SYT10: variants seen among roughly 807,000 people sequenced by gnomAD.
The protein encoded by SYT10 is synaptotagmin 10, also known as synaptotagmin-10.
SYT10 carries 31 observed loss-of-function variants against 51.1 expected under a neutral mutation model. The observed-to-expected ratio is 0.61, with a 90% CI of 0.46 to 0.82. SYT10 has a LOEUF of 0.82. Ranked by LOEUF, SYT10 falls within the 40% of genes least tolerant of loss-of-function variation. The pLI, the probability that SYT10 is intolerant of heterozygous loss-of-function variation, is 0.00. For missense variants in SYT10, 603 were observed against 634.0 expected (o/e 0.95, Z 0.53); for synonymous variants, 233 against 225.9 (o/e 1.03, Z -0.28).
chr12:33,439,129 CG>C (rs1442005601), intron 1 of SYT10, among the ~76,000 whole-genome samples: 2 of 152,160 alleles, frequency 1.3e-5, no homozygotes, highest in Non-Finnish European at 2.9e-5. Context: ...GAGACGGCGC[CG>C]GGAGGCGGGA....
chr12:33,424,385 A>G (rs1866531605), intron 2 of SYT10, among the ~76,000 whole-genome samples: 1 of 152,156 alleles, frequency 6.6e-6, no homozygotes, highest in Non-Finnish European at 1.5e-5. Context: ...TAATCTGTAC[A>G]TATCAACTAA....
intron 3 of SYT10, among the ~76,000 whole-genome samples, chr12:33,387,556 T>C (rs1251485857): frequency 2.6e-5 from 4 of 152,178 alleles, no homozygotes; most frequent in Non-Finnish European, 4.4e-5. Flanking sequence ...TGGAAGTGAT[T>C]AGTATTGCAA....
At chr12:33,392,336 T>C (rs564300008) in intron 3 of SYT10, among the ~76,000 whole-genome samples, 1 of 152,296 alleles carries the variant, frequency 6.6e-6, no homozygotes, top group African/African-American at 2.4e-5. Context: ...AAGAAGCAAT[T>C]TGATGGAGTA....
At chr12:33,401,369 G>A (rs1040595758) in intron 3 of SYT10, among the ~76,000 whole-genome samples, 1 of 152,162 alleles carries the variant, frequency 6.6e-6, no homozygotes, top group Non-Finnish European at 1.5e-5. Context: ...TCGTATTAGA[G>A]GTGGTTGGCT....
At chr12:33,428,688 C>T (rs1866571878) in intron 1 of SYT10, among the ~76,000 whole-genome samples, 2 of 152,114 alleles carry the variant, frequency 1.3e-5, no homozygotes, top group African/African-American at 4.8e-5. Context: ...GGGCGGATCA[C>T]GAGGTCAGAA....
chr12:33,376,840 G>C lies in SYT10; in HGVS notation c.1562C>G (p.Ser521Cys), dbSNP rs886110675. ...CTCATTTTGGAGGCATTATGGTGTG[G>C]AAGGTGGTTTAGGAGAAGGGCAGGA... ...QGSCPSPKPPSTP is the reference protein window; with the variant it reads ...QGSCPSPKPPCTP The change falls in exon 7 of 7, where the codon TCC (serine) becomes TGC (cysteine). Residue 521 changes from serine (S) to cysteine (C), a missense_variant. Transcript: ENST00000228567. The C allele has an allele frequency of 1.1e-5, 18 of 1,613,948 alleles. No individual in the cohort carries two copies. In the Admixed American group the frequency reaches 2.8e-4, roughly 25 times the overall value.
Position 33,406,852 on chromosome 12 carries a change from C to G in SYT10, c.1014G>C (p.Leu338Phe), listed in dbSNP as rs369857680. The change falls in exon 3 of 7, where the codon TTG becomes TTC. Residue 338 changes from leucine (L) to phenylalanine (F), a missense_variant. Physicochemically the swap from Leu to Phe is conservative, Grantham distance 22 (BLOSUM62 0). Coordinates refer to ENST00000228567, the MANE Select transcript of SYT10 (RefSeq NM_198992.4). Reference sequence around the variant, plus strand: ...CCCTGGAGAGATCAGAGACTTCAAACAAATTATCAAGAATCACTTCCCCAA... The same window carrying G: ...CCCTGGAGAGATCAGAGACTTCAAAGAAATTATCAAGAATCACTTCCCCAA... ...DMIGEVILDN[L>F]FEVSDLSREA... is the part of the protein sequence containing the mutation. 6.2e-6 allele frequency: 10 copies of G among 1,613,848 alleles called. No individual in the cohort carries two copies. The highest frequency in any genetic ancestry group is 1.3e-5 in the African/African-American group (1 of 74,916).
Position 33,426,814 on chromosome 12 carries a change from G to A in SYT10, c.152-319C>T, listed in dbSNP as rs60359993. 9.4e-3 allele frequency among the ~76,000 whole-genome samples: 1,425 copies of A among 152,262 alleles called. 31 individuals carry two copies. Among genetic ancestry groups the A allele is most frequent in the African/African-American group, 0.031 (1,305 of 41,570 alleles). ...TTGAAAAACTGCAACCTGCCATGAA[G>A]CCATGAGGCAAGAAATTCTAAAACT... is the stretch of plus-strand genomic sequence containing the variant. On this transcript the variant is annotated intron_variant, in intron 1 of 6. Coordinates refer to ENST00000228567, the MANE Select transcript of SYT10 (RefSeq NM_198992.4).
At chr12:33,438,506 G>A (rs1342648143) in intron 1 of SYT10, among the ~76,000 whole-genome samples, 6 of 152,024 alleles carry the variant, frequency 3.9e-5, no homozygotes, top group Non-Finnish European at 8.8e-5. Context: ...GCTTGGATTC[G>A]ATCCTTTCCA....
intron 3 of SYT10, among the ~76,000 whole-genome samples, chr12:33,393,288 T>A (rs1866226280): frequency 6.6e-6 from 1 of 152,142 alleles, no homozygotes; most frequent in South Asian, 2.1e-4. Flanking sequence ...TAACAACTCT[T>A]CTCTTCCTCA....
intron 5 of SYT10, among the ~76,000 whole-genome samples, chr12:33,381,285 AGT>A (rs1309944462): frequency 6.6e-6 from 1 of 152,040 alleles, no homozygotes; most frequent in Non-Finnish European, 1.5e-5. Context: ...GTTATTTTTC[AGT>A]GTTTCCCCCC....
intron 4 of SYT10, among the ~76,000 whole-genome samples, chr12:33,384,695 A>AC (rs1333526398): frequency 2.6e-5 from 4 of 152,180 alleles, no homozygotes; most frequent in African/African-American, 9.6e-5. Context: ...TTTATTTCAG[A>AC]CCCTACAGAT....
At chr12:33,426,580 T>C (rs1395630590) in intron 1 of SYT10, 85 bp from the exon 2 acceptor site, 2 of 1,154,518 alleles carry the variant, frequency 1.7e-6, no homozygotes, top group Non-Finnish European at 2.3e-6. Flanking sequence ...ATCATAATTG[T>C]TATTATTTCC....
intron 5 of SYT10, among the ~76,000 whole-genome samples, chr12:33,380,656 C>T (rs1472901462): frequency 5.9e-5 from 9 of 152,160 alleles, no homozygotes; most frequent in African/African-American, 2.2e-4. Context: ...TTAATTCCCC[C>T]ACCATGACCA....
At chr12:33,422,669 A>G (rs978706464) in intron 2 of SYT10, among the ~76,000 whole-genome samples, 1 of 151,932 alleles carries the variant, frequency 6.6e-6, no homozygotes, top group African/African-American at 2.4e-5. Context: ...GATTTTTCAA[A>G]TAAAATATTT....
At chr12:33,414,459 C>A (rs1315137987) in intron 2 of SYT10, among the ~76,000 whole-genome samples, 1 of 152,192 alleles carries the variant, frequency 6.6e-6, no homozygotes, top group Non-Finnish European at 1.5e-5. Flanking sequence ...TGTAAAAGAA[C>A]AGAAATTATC....
chr12:33,377,629 C>CTTTTTTTT lies in SYT10; in HGVS notation c.1501-736_1501-729dup, dbSNP rs375275079. On this transcript the variant is annotated intron_variant, in intron 6 of 6. Coordinates refer to ENST00000228567, the MANE Select transcript of SYT10 (RefSeq NM_198992.4). ...GGAACCTGATTTTCTTTTTCTTTTTCTTTTTTTTTTTTTTTGAGATGGAGT... is the reference window on the plus strand; with the variant it reads ...GGAACCTGATTTTCTTTTTCTTTTTCTTTTTTTTTTTTTTTTTTTTTTTGAGATGGAGT... Among the ~76,000 whole-genome samples, 49 of 113,978 alleles carry CTTTTTTTT rather than the reference C, an allele frequency of 4.3e-4. 1 individual carries two copies. The highest frequency in any genetic ancestry group is 4.8e-3 in the Middle Eastern group (1 of 210). The allele number at this position is 113,978 out of a possible 152,430, so 74.8% of individuals were successfully genotyped here.
chr12:33,434,380 C>T (rs1591999977), intron 1 of SYT10, among the ~76,000 whole-genome samples: 1 of 152,050 alleles, frequency 6.6e-6, no homozygotes, highest in African/African-American at 2.4e-5. Context: ...ACTGGTGACA[C>T]AAAAATACAG....
chr12:33,390,849 C>A (rs924013274), intron 3 of SYT10, among the ~76,000 whole-genome samples: 1 of 152,172 alleles, frequency 6.6e-6, no homozygotes, highest in African/African-American at 2.4e-5. Context: ...GTTACTTAAC[C>A]TTGAAGAACA....
Sources: gnomAD v4.1 joint callset for allele counts (sites outside exome capture counted in the v4.1 genomes callset) on GRCh38, gnomAD v4.1.1 for gene constraint, MANE v1.5 for transcripts, NCBI Gene and HGNC (gene_info 2026-07-23, HGNC 2026-07-21) for gene names.